Variants in PRPF3 observed in about 807,000 individuals in gnomAD.
The protein encoded by PRPF3 is U4/U6 small nuclear ribonucleoprotein Prp3.
In PRPF3, 3 loss-of-function variants were observed where a neutral mutation model predicts 89.2. That is an observed-to-expected ratio of 0.03 (90% CI 0.02 to 0.09). PRPF3 has a LOEUF of 0.09. Ranked by LOEUF, PRPF3 falls within the 10% of genes least tolerant of loss-of-function variation. The pLI, the probability that PRPF3 is intolerant of heterozygous loss-of-function variation, is 1.00. For missense variants in PRPF3, 463 were observed against 828.8 expected (o/e 0.56, Z 5.42); for synonymous variants, 270 against 289.1 (o/e 0.93, Z 0.67).
At position 150,346,502 on chromosome 1, in the gene PRPF3, G is replaced by A; in HGVS notation, c.1843+11G>A. On this transcript the variant is annotated intron_variant, in intron 14 of 15. Transcript: ENST00000324862. ...ACACAAAGGGAGATGGTGAATGGGG[G>A]TTAGAGGGGATTAAGGGGGAGAGCT... 6.2e-7 allele frequency: 1 copy of A among 1,604,266 alleles called. No individual in the cohort carries two copies. The highest frequency in any genetic ancestry group is 2.2e-5 in the East Asian group (1 of 44,820).
At chr1:150,324,170 G>A (rs587613392) in intron 1 of PRPF3, among the ~76,000 whole-genome samples, 1 of 152,274 alleles carries the variant, frequency 6.6e-6, no homozygotes, top group African/African-American at 2.4e-5. Context: ...TAAAAGAAGG[G>A]AATCCTACAT....
intron 1 of PRPF3, among the ~76,000 whole-genome samples, chr1:150,322,505 A>G (rs1467418285): frequency 2.6e-5 from 4 of 152,204 alleles, no homozygotes; most frequent in South Asian, 4.1e-4. Flanking sequence ...CTTTTGTGCA[A>G]TACATGTGTA....
intron 1 of PRPF3, among the ~76,000 whole-genome samples, chr1:150,322,637 T>C (rs1655181308): frequency 1.3e-5 from 2 of 152,236 alleles, no homozygotes; most frequent in Admixed American, 6.5e-5. Flanking sequence ...ATCACTTCAA[T>C]CTACTAGCTT....
chr1:150,345,657 C>T (rs1658207544), intron 12 of PRPF3: 4 of 309,978 alleles, frequency 1.3e-5, no homozygotes, highest in Non-Finnish European at 2.5e-5. Flanking sequence ...CCAAGTAATC[C>T]TATATTATAA....
At chr1:150,336,853 T>G (rs1382885596) in intron 7 of PRPF3, among the ~76,000 whole-genome samples, 1 of 151,888 alleles carries the variant, frequency 6.6e-6, no homozygotes, top group Non-Finnish European at 1.5e-5. Context: ...ATTATGAAAT[T>G]GAGTTTGAAA....
chr1:150,340,524 T>C lies in PRPF3; in HGVS notation c.1282+47T>C, dbSNP rs781825175. ...CAAGTCTCTAGAGCAGCATTACCCATTGGAAATTTATACAGTGAGGAACAT... is the reference window on the plus strand; with the variant it reads ...CAAGTCTCTAGAGCAGCATTACCCACTGGAAATTTATACAGTGAGGAACAT... On this transcript the variant is annotated intron_variant, in intron 9 of 15. Coordinates refer to ENST00000324862, the MANE Select transcript of PRPF3 (RefSeq NM_004698.4). 2.1e-6 allele frequency: 3 copies of C among 1,421,858 alleles called. No individual in the cohort carries two copies. In the South Asian group the frequency reaches 3.4e-5, roughly 16 times the overall value. The allele number at this position is 1,421,858 out of a possible 1,614,324, so 88.1% of individuals were successfully genotyped here. A position where few individuals can be genotyped will look rare whatever the true frequency, so the allele number is the denominator to read the frequency against.
rs1243141004 is a variant in PRPF3 at position 150,325,838 on chromosome 1, A to G, written c.233A>G (p.His78Arg). 2 of 1,613,696 alleles carry G rather than the reference A, an allele frequency of 1.2e-6. No individual in the cohort carries two copies. The highest frequency in any genetic ancestry group is 8.5e-7 in the Non-Finnish European group (1 of 1,179,782). The change falls in exon 3 of 16, where the codon CAT becomes CGT. Residue 78 changes from histidine (H) to arginine (R), a missense_variant. Coordinates refer to ENST00000324862, the MANE Select transcript of PRPF3 (RefSeq NM_004698.4). ...EAVEEGRSSR[H>R]SKSSSDRSRK... The stretch of plus-strand genomic sequence containing the variant: ...GTGGAGGAAGGCCGAAGCTCTAGGC[A>G]TTCCAAGTCTAGCAGTGACAGGAGC...
chr1:150,351,252 G>A (rs1007425168), intron 15 of PRPF3, among the ~76,000 whole-genome samples: 7 of 152,058 alleles, frequency 4.6e-5, no homozygotes, highest in Non-Finnish European at 8.8e-5. Context: ...GTGACAGTGC[G>A]AGACTGTGTC....
At chr1:150,327,590 T>C in intron 3 of PRPF3, 1 of 985,888 alleles carries the variant, frequency 1.0e-6, no homozygotes. Context: ...TGGCCGAGGA[T>C]ATGTCCTTGC....
intron 3 of PRPF3, among the ~76,000 whole-genome samples, chr1:150,326,365 C>A (rs1553863750): frequency 6.6e-6 from 1 of 152,068 alleles, no homozygotes; most frequent in African/African-American, 2.4e-5. Context: ...GAGAGCTTAC[C>A]ATTTGCTCTA....
intron 7 of PRPF3, among the ~76,000 whole-genome samples, 198 bp downstream of exon 7, chr1:150,335,439 A>G (rs1249022268): frequency 6.6e-6 from 1 of 152,140 alleles, no homozygotes; most frequent in Non-Finnish European, 1.5e-5. Context: ...TGATGGTTCA[A>G]GCACATAGCA....
chr1:150,330,834 A>C (rs1472681954), intron 4 of PRPF3, among the ~76,000 whole-genome samples: 1 of 150,424 alleles, frequency 6.6e-6, no homozygotes, highest in Non-Finnish European at 1.5e-5. Flanking sequence ...CTTCTGCCTC[A>C]GTCCCTTGAG....
chr1:150,335,147 G>A lies in PRPF3; in HGVS notation c.941G>A (p.Arg314Gln), dbSNP rs1226088345. The change falls in exon 7 of 16, where the codon CGA becomes CAA. Residue 314 changes from arginine (R) to glutamine (Q), a missense_variant. Around this residue, in one of 8 missense-constraint regions of PRPF3, gnomAD observed 261 missense variants for 475.8 expected, o/e 0.55. Transcript: ENST00000324862. The part of the protein sequence containing the change: ...DMESNTFFDP[R>Q]VSIAPSQRQR... ...GAATCCAATACCTTTTTTGACCCCC[G>A]AGTCTCCATTGCCCCTTCCCAGCGC... 6.2e-7 allele frequency: 1 copy of A among 1,613,906 alleles called. No homozygotes were observed. The highest frequency in any genetic ancestry group is 8.5e-7 in the Non-Finnish European group (1 of 1,179,946).
intron 8 of PRPF3, among the ~76,000 whole-genome samples, chr1:150,339,435 T>C (rs1378782874): frequency 7.3e-6 from 1 of 136,802 alleles, no homozygotes; most frequent in Non-Finnish European, 1.6e-5. Flanking sequence ...GCTCCATCCA[T>C]TTTTTTTTTT....
intron 4 of PRPF3, chr1:150,330,286 T>A (rs1553865023): frequency 6.6e-6 from 1 of 152,400 alleles, no homozygotes; most frequent in African/African-American, 2.4e-5. Flanking sequence ...TGGGCTGAAA[T>A]GATCCTCCTG....
intron 15 of PRPF3, among the ~76,000 whole-genome samples, chr1:150,352,272 C>T (rs1344718140): frequency 6.6e-6 from 1 of 152,180 alleles, no homozygotes; most frequent in Admixed American, 6.6e-5. Context: ...CATAGTTCTT[C>T]CTGACTTGCT....
intron 15 of PRPF3, among the ~76,000 whole-genome samples, chr1:150,350,937 G>A (rs1345208714): frequency 2.6e-5 from 4 of 151,600 alleles, no homozygotes; most frequent in Non-Finnish European, 5.9e-5. Context: ...CTCCAGCCTG[G>A]GCACCAGAGT....
chr1:150,330,019 C>T (rs1398815915), intron 4 of PRPF3: 1 of 152,302 alleles, frequency 6.6e-6, no homozygotes, highest in East Asian at 1.9e-4. Flanking sequence ...CTTGGCCTCC[C>T]AAATTGCTGG....
intron 1 of PRPF3, among the ~76,000 whole-genome samples, chr1:150,322,086 G>C (rs1468819677): frequency 6.6e-6 from 1 of 152,098 alleles, no homozygotes; most frequent in Non-Finnish European, 1.5e-5. Flanking sequence ...GCTAATTACC[G>C]TTTGAAACTT....
Sources: gnomAD v4.1 joint callset for allele counts (sites outside exome capture counted in the v4.1 genomes callset) on GRCh38, gnomAD v4.1.1 for gene constraint, gnomAD v4.1.1 regional missense constraint, MANE v1.5 for transcripts, NCBI Gene and HGNC (gene_info 2026-07-23, HGNC 2026-07-21) for gene names.